RSRC1: variants seen among roughly 807,000 people sequenced by gnomAD.
RSRC1 encodes serine/Arginine-related protein 53.
A neutral mutation model predicts 49.1 loss-of-function variants in RSRC1; 39 were observed. The observed-to-expected ratio is 0.79, with a 90% CI of 0.61 to 1.04. The LOEUF (loss-of-function observed/expected upper bound fraction) is 1.04. Among genes scored for constraint, RSRC1 ranks in the 50% least tolerant of loss-of-function variants. The pLI is 0.00. For missense variants in RSRC1, 388 were observed against 402.4 expected (o/e 0.96, Z 0.31); for synonymous variants, 143 against 130.8 (o/e 1.09, Z -0.63).
intron 3 of RSRC1, among the ~76,000 whole-genome samples, chr3:158,195,194 T>C (rs1454042920): frequency 1.3e-5 from 2 of 152,166 alleles, no homozygotes; most frequent in East Asian, 1.9e-4. Flanking sequence ...GCCATTCTAA[T>C]GGGTGTGAGA....
At chr3:158,419,863 A>G (rs954422425) in intron 6 of RSRC1, among the ~76,000 whole-genome samples, 1 of 151,646 alleles carries the variant, frequency 6.6e-6, no homozygotes, top group African/African-American at 2.4e-5. Context: ...CTCAAAGTAC[A>G]GCACTTGATA....
rs376742600 is a variant in RSRC1 at position 158,203,207 on chromosome 3, T to C, written c.456T>C (p.Asp152=). 1 of 1,607,940 alleles carries C rather than the reference T, an allele frequency of 6.2e-7. No homozygotes were observed. The highest frequency in any genetic ancestry group is 8.5e-7 in the Non-Finnish European group (1 of 1,176,934). Residue 152 remains aspartate (D), a synonymous_variant, in exon 4 of 10, where the codon GAT becomes GAC. Coordinates refer to ENST00000611884, the MANE Select transcript of RSRC1 (RefSeq NM_001271838.2). The part of the protein sequence containing the change: ...RDKEKREKEK[D]KGKDKELHNI... ...AAGAGAAAAGAGAAAAGGAGAAGGA[T>C]AAAGGGAAGGACAAGGAATTACATA...
At chr3:158,230,126 A>G (rs936552103) in intron 4 of RSRC1, among the ~76,000 whole-genome samples, 2 of 151,908 alleles carry the variant, frequency 1.3e-5, no homozygotes, top group African/African-American at 4.8e-5. Context: ...CATTACCTTG[A>G]TATTTTTTAA....
intron 7 of RSRC1, among the ~76,000 whole-genome samples, chr3:158,514,711 G>A (rs1473902705): frequency 6.6e-6 from 1 of 152,014 alleles, no homozygotes; most frequent in Non-Finnish European, 1.5e-5. Flanking sequence ...AATGTTGACA[G>A]TGGGGTGTTA....
chr3:158,349,597 C>G (rs1180683984), intron 5 of RSRC1, among the ~76,000 whole-genome samples: 1 of 150,550 alleles, frequency 6.6e-6, no homozygotes, highest in Non-Finnish European at 1.5e-5. Context: ...GGTACAGTAT[C>G]TGTACTGACT....
chr3:158,441,344 A>C (rs896824975), intron 6 of RSRC1, among the ~76,000 whole-genome samples: 4 of 152,132 alleles, frequency 2.6e-5, no homozygotes, highest in African/African-American at 9.7e-5. Flanking sequence ...AAGATCTACG[A>C]TCTTATCTTG....
chr3:158,490,856 A>G (rs1739058002), intron 7 of RSRC1, among the ~76,000 whole-genome samples: 2 of 152,336 alleles, frequency 1.3e-5, no homozygotes, highest in South Asian at 4.1e-4. Context: ...AAGATTGTGC[A>G]GCTACTAAAT....
At chr3:158,370,784 G>A (rs1732025754) in intron 6 of RSRC1, among the ~76,000 whole-genome samples, 1 of 151,832 alleles carries the variant, frequency 6.6e-6, no homozygotes, top group Non-Finnish European at 1.5e-5. Context: ...GGGATGCTAA[G>A]GAAGAAGAAT....
intron 3 of RSRC1, among the ~76,000 whole-genome samples, chr3:158,160,631 C>A (rs1718161044): frequency 6.6e-6 from 1 of 152,090 alleles, no homozygotes; most frequent in East Asian, 1.9e-4. Context: ...AATAACTACT[C>A]TAAAACTACT....
intron 4 of RSRC1, among the ~76,000 whole-genome samples, chr3:158,210,321 G>T (rs898924143): frequency 2.6e-5 from 4 of 151,978 alleles, no homozygotes; most frequent in Non-Finnish European, 5.9e-5. Flanking sequence ...AGGCAACTTT[G>T]TGCCAGGATA....
At chr3:158,165,839 A>T (rs1342082465) in intron 3 of RSRC1, among the ~76,000 whole-genome samples, 1 of 152,150 alleles carries the variant, frequency 6.6e-6, no homozygotes, top group Non-Finnish European at 1.5e-5. Context: ...TCCATATACT[A>T]CCTTTCTTCA....
chr3:158,317,999 T>C (rs1468599357), intron 5 of RSRC1, among the ~76,000 whole-genome samples: 3 of 151,516 alleles, frequency 2.0e-5, no homozygotes, highest in Non-Finnish European at 4.4e-5. Context: ...ATAAACTTTC[T>C]TAAAACATTA....
intron 6 of RSRC1, among the ~76,000 whole-genome samples, chr3:158,365,108 A>G (rs1731689388): frequency 6.6e-6 from 1 of 152,140 alleles, no homozygotes; most frequent in Non-Finnish European, 1.5e-5. Context: ...TTATGCAGTT[A>G]AAAGACATTA....
chr3:158,536,114 A>G (rs1368638733), intron 7 of RSRC1, among the ~76,000 whole-genome samples: 1 of 151,466 alleles, frequency 6.6e-6, no homozygotes, highest in Non-Finnish European at 1.5e-5. Flanking sequence ...AATCTTAACC[A>G]CTAAAAGTAG....
chr3:158,526,001 T>C (rs1237549611), intron 7 of RSRC1, among the ~76,000 whole-genome samples: 1 of 151,962 alleles, frequency 6.6e-6, no homozygotes, highest in Non-Finnish European at 1.5e-5. Context: ...ACTCACCAAA[T>C]TGTATGCTTT....
At chr3:158,417,661 T>C (rs1010615281) in intron 6 of RSRC1, among the ~76,000 whole-genome samples, 10 of 151,892 alleles carry the variant, frequency 6.6e-5, no homozygotes, top group African/African-American at 2.4e-4. Context: ...GCTGTATGTT[T>C]AACACTTTAA....
intron 6 of RSRC1, among the ~76,000 whole-genome samples, chr3:158,383,674 G>T (rs1314466989): frequency 6.6e-6 from 1 of 152,096 alleles, no homozygotes; most frequent in Non-Finnish European, 1.5e-5. Flanking sequence ...AGTAGTGGTG[G>T]TGTGTCTTTA....
intron 4 of RSRC1, among the ~76,000 whole-genome samples, chr3:158,286,985 C>T (rs1726603232): frequency 1.3e-5 from 2 of 152,108 alleles, no homozygotes; most frequent in Non-Finnish European, 2.9e-5. Flanking sequence ...TGCCACCACA[C>T]CCGGCCAATT....
At chr3:158,494,398 G>C (rs1739217810) in intron 7 of RSRC1, among the ~76,000 whole-genome samples, 1 of 152,190 alleles carries the variant, frequency 6.6e-6, no homozygotes, top group Non-Finnish European at 1.5e-5. Flanking sequence ...AGTTGCTCTA[G>C]GCAAGTCAGT....
Sources: gnomAD v4.1 joint callset for allele counts (sites outside exome capture counted in the v4.1 genomes callset) on GRCh38, gnomAD v4.1.1 for gene constraint, MANE v1.5 for transcripts, NCBI Gene and HGNC (gene_info 2026-07-23, HGNC 2026-07-21) for gene names.